CCDC126: variants seen among roughly 807,000 people sequenced by gnomAD.
CCDC126 encodes the protein coiled-coil domain containing 126.
A neutral mutation model predicts 11.7 loss-of-function variants in CCDC126; 5 were observed. That is an observed-to-expected ratio of 0.43 (90% confidence interval 0.22 to 0.90). The LOEUF is 0.90. Among genes scored for constraint, CCDC126 ranks in the 40% least tolerant of loss-of-function variants. The pLI is 0.27. For missense variants in CCDC126, 150 were observed against 163.1 expected (o/e 0.92, Z 0.44); for synonymous variants, 60 against 61.9 (o/e 0.97, Z 0.14).
intron 2 of CCDC126, among the ~76,000 whole-genome samples, chr7:23,600,381 C>CT (rs901985256): frequency 2.8e-5 from 4 of 142,852 alleles, no homozygotes; most frequent in Non-Finnish European, 4.7e-5. Context: ...TTAACCCCCC[C>CT]CCCCCCACCA....
intron 2 of CCDC126, among the ~76,000 whole-genome samples, chr7:23,601,649 C>T (rs1032395927): frequency 6.6e-6 from 1 of 152,054 alleles, no homozygotes; most frequent in Non-Finnish European, 1.5e-5. Context: ...GCTTCATTTT[C>T]CTTATCTTTA....
At chr7:23,634,343 G>A (rs1036699458) in intron 3 of CCDC126, among the ~76,000 whole-genome samples, 1 of 152,038 alleles carries the variant, frequency 6.6e-6, no homozygotes, top group Non-Finnish European at 1.5e-5. Flanking sequence ...AGGGGGTGGG[G>A]AGGGGGCACT....
At chr7:23,621,906 C>T (rs1407141648) in intron 3 of CCDC126, among the ~76,000 whole-genome samples, 1 of 152,140 alleles carries the variant, frequency 6.6e-6, no homozygotes, top group Non-Finnish European at 1.5e-5. Context: ...TATGTTGAAC[C>T]AGGCTTGCAT....
chr7:23,618,578 T>G (rs1270818975), intron 3 of CCDC126, among the ~76,000 whole-genome samples: 2 of 146,402 alleles, frequency 1.4e-5, no homozygotes, highest in Non-Finnish European at 3.0e-5. Context: ...TGAGACAGAG[T>G]CTTGCTCTGT....
At chr7:23,599,007 TGTG>T (rs1782482122) in intron 2 of CCDC126, among the ~76,000 whole-genome samples, 1 of 152,222 alleles carries the variant, frequency 6.6e-6, no homozygotes, top group Non-Finnish European at 1.5e-5. Context: ...TTTAGTCATT[TGTG>T]TTCTTAGTGT....
intron 3 of CCDC126, among the ~76,000 whole-genome samples, chr7:23,619,138 G>T (rs1782845005): frequency 6.6e-6 from 1 of 152,132 alleles, no homozygotes; most frequent in Admixed American, 6.6e-5. Context: ...ATACATCTCA[G>T]ATCTTCTGCA....
chr7:23,611,976 T>C (rs1287200937), intron 3 of CCDC126, among the ~76,000 whole-genome samples: 1 of 151,954 alleles, frequency 6.6e-6, no homozygotes, highest in African/African-American at 2.4e-5. Flanking sequence ...ACCCCGTCTC[T>C]ACTGAAAATA....
intron 3 of CCDC126, among the ~76,000 whole-genome samples, chr7:23,634,824 G>GT (rs1320524818): frequency 6.6e-6 from 1 of 152,170 alleles, no homozygotes; most frequent in East Asian, 1.9e-4. Context: ...CCTTGGTTCT[G>GT]TTTTTCCACG....
chr7:23,622,007 A>C (rs531041168), intron 3 of CCDC126, among the ~76,000 whole-genome samples: 1 of 152,200 alleles, frequency 6.6e-6, no homozygotes, highest in East Asian at 1.9e-4. Flanking sequence ...GGATTTTTGC[A>C]TTGTTGTTCA....
At chr7:23,600,374 A>AACC (rs1782516889) in intron 2 of CCDC126, among the ~76,000 whole-genome samples, 1 of 80,548 alleles carries the variant, frequency 1.2e-5, no homozygotes. Context: ...TTCTGTGTTA[A>AACC]CCCCCCCCCC....
At chr7:23,622,531 C>T in intron 3 of CCDC126, 1 of 512,904 alleles carries the variant, frequency 1.9e-6, no homozygotes, top group South Asian at 1.5e-5. Context: ...CAACGATGGA[C>T]TGTCTGTATG....
chr7:23,636,713 C>G (rs1783224040), intron 3 of CCDC126, among the ~76,000 whole-genome samples: 1 of 149,956 alleles, frequency 6.7e-6, no homozygotes, highest in African/African-American at 2.5e-5. Flanking sequence ...GGCAGCCACC[C>G]CGTCTGGAAA....
intron 3 of CCDC126, among the ~76,000 whole-genome samples, chr7:23,627,417 A>C (rs896484404): frequency 7.2e-5 from 11 of 151,802 alleles, no homozygotes; most frequent in African/African-American, 2.7e-4. Context: ...AGGTGGGTGG[A>C]TCACTTGAGG....
intron 3 of CCDC126, among the ~76,000 whole-genome samples, chr7:23,629,114 C>T (rs535786899): frequency 6.6e-6 from 1 of 152,164 alleles, no homozygotes; most frequent in Non-Finnish European, 1.5e-5. Flanking sequence ...AGGTCTCAGA[C>T]TGAATGAAAA....
At chr7:23,616,398 T>C (rs1464466941) in intron 3 of CCDC126, among the ~76,000 whole-genome samples, 1 of 152,184 alleles carries the variant, frequency 6.6e-6, no homozygotes, top group African/African-American at 2.4e-5. Flanking sequence ...TTTTTAAGCT[T>C]CCTCTTTATT....
chr7:23,638,297 T>C (rs1442575832), intron 3 of CCDC126, among the ~76,000 whole-genome samples: 1 of 148,398 alleles, frequency 6.7e-6, no homozygotes, highest in African/African-American at 2.5e-5. Flanking sequence ...GGGAAAAAAT[T>C]GAGAAATCGG....
At chr7:23,642,530 A>T (rs779849762) in intron 3 of CCDC126, among the ~76,000 whole-genome samples, 17 of 152,086 alleles carry the variant, frequency 1.1e-4, no homozygotes, top group Non-Finnish European at 1.5e-4. Context: ...TGGGAGGCCG[A>T]GGAGTGCGGA....
At chr7:23,626,510 A>T (rs1271172804) in intron 3 of CCDC126, among the ~76,000 whole-genome samples, 4 of 152,048 alleles carry the variant, frequency 2.6e-5, no homozygotes, top group Non-Finnish European at 1.5e-5. Context: ...AATTAAAAAA[A>T]ATATTTATTT....
rs1782439912 is a variant in CCDC126, at chr7:23,597,585, T to A, written c.-251T>A. 1 of 152,006 alleles carries A rather than the reference T, an allele frequency of 6.6e-6. No individual in the cohort carries two copies. Among genetic ancestry groups the A allele is most frequent in the Non-Finnish European group, 1.5e-5 (1 of 68,026 alleles). 9.4% of individuals were successfully genotyped at this position (152,006 alleles called of 1,614,324 possible). ...AGAAGCTCCGTGGCGGCGGCGACCG[T>A]GACGAGAAGCCCACGGCCAGGTAAT... On this transcript the variant is annotated 5_prime_UTR_variant, in exon 1 of 4. Transcript: ENST00000307471.
Sources: gnomAD v4.1 joint callset for allele counts (sites outside exome capture counted in the v4.1 genomes callset) on GRCh38, gnomAD v4.1.1 for gene constraint, MANE v1.5 for transcripts, NCBI Gene and HGNC (gene_info 2026-07-23, HGNC 2026-07-21) for gene names.